Variants in PDE4D observed in about 807,000 individuals in gnomAD.
PDE4D encodes the protein 3',5'-cyclic-AMP phosphodiesterase 4D.
A neutral mutation model predicts 87.4 loss-of-function variants in PDE4D; 24 were observed. The observed-to-expected ratio is 0.27, with a 90% CI of 0.20 to 0.39. The LOEUF (loss-of-function observed/expected upper bound fraction) is 0.39. Among genes scored for constraint, PDE4D ranks in the 10% least tolerant of loss-of-function variants. PDE4D has a pLI of 1.00. For missense variants in PDE4D, 714 were observed against 1,041.0 expected (o/e 0.69, Z 4.32); for synonymous variants, 384 against 383.2 (o/e 1.00, Z -0.02).
intron 1 of PDE4D, among the ~76,000 whole-genome samples, chr5:60,240,357 T>C (rs1746951883): frequency 6.6e-6 from 1 of 151,736 alleles, no homozygotes; most frequent in African/African-American, 2.4e-5. Context: ...TCAGCTATGG[T>C]GGGTTAGGGC....
At chr5:59,386,917 G>A (rs145076963) in intron 1 of PDE4D, among the ~76,000 whole-genome samples, 219 of 152,190 alleles carry the variant, frequency 1.4e-3, no homozygotes, top group Non-Finnish European at 2.7e-3. Context: ...TGTTAACTCT[G>A]TTTCAGGTGA....
intron 1 of PDE4D, among the ~76,000 whole-genome samples, chr5:59,369,783 G>A (rs34852844): frequency 0.079 from 11,996 of 152,160 alleles, 578 homozygotes; most frequent in Middle Eastern, 0.13. Context: ...AACTGACTGA[G>A]TCTGCCATAG....
At chr5:60,474,666 C>T (rs1357629464) in intron 1 of PDE4D, among the ~76,000 whole-genome samples, 1 of 152,200 alleles carries the variant, frequency 6.6e-6, no homozygotes, top group Admixed American at 6.5e-5. Context: ...GCAGTTCTGG[C>T]AATGAGCTTC....
At chr5:59,038,806 G>A (rs1265100127) in intron 6 of PDE4D, 53 bp downstream of exon 6, 2 of 1,404,084 alleles carry the variant, frequency 1.4e-6, no homozygotes, top group East Asian at 2.9e-5. Context: ...GTGGCTCGCC[G>A]GCATGGGAAT....
intron 1 of PDE4D, among the ~76,000 whole-genome samples, chr5:60,220,884 A>G (rs2149596201): frequency 6.6e-6 from 1 of 152,162 alleles, no homozygotes; most frequent in South Asian, 2.1e-4. Flanking sequence ...AATAATTTAA[A>G]CCCTGTAGAA....
At chr5:59,386,319 A>G (rs1439692184) in intron 1 of PDE4D, among the ~76,000 whole-genome samples, 2 of 152,200 alleles carry the variant, frequency 1.3e-5, no homozygotes, top group African/African-American at 4.8e-5. Flanking sequence ...TAATAAAAAC[A>G]AGAAAAAGAC....
chr5:59,123,022 GTTTT>G (rs1041221866), intron 5 of PDE4D, among the ~76,000 whole-genome samples: 2 of 149,500 alleles, frequency 1.3e-5, no homozygotes, highest in African/African-American at 4.9e-5. Flanking sequence ...TGCATTCTCT[GTTTT>G]TTTTGTTTTT....
rs989532329 is a variant in PDE4D, at chr5:59,354,182, TA to T, written c.456-138215del. Among the ~76,000 whole-genome samples, 347 of 152,074 alleles carry T rather than the reference TA, an allele frequency of 2.3e-3. 1 individual carries two copies. Among genetic ancestry groups the T allele is most frequent in the African/African-American group, 8.1e-3 (338 of 41,496 alleles). On this transcript the variant is annotated intron_variant, in intron 1 of 14. Transcript: ENST00000340635. The stretch of plus-strand genomic sequence containing the variant: ...TTTACAAGATAAAAAATATTGCTCA[TA>T]AAAAAAATTATAAGGGAGAAATTCA...
At chr5:59,391,962 CAT>C (rs199964454) in intron 1 of PDE4D, among the ~76,000 whole-genome samples, 14 of 147,972 alleles carry the variant, frequency 9.5e-5, no homozygotes, top group African/African-American at 3.2e-4. Flanking sequence ...CTATATATTA[CAT>C]ATATATATAA....
chr5:59,388,651 A>ACACACACACACACACACT lies in PDE4D; in HGVS notation c.456-172684_456-172683insAGTGTGTGTGTGTGTGTG. ...TACACACACACACACACACACACTC[A>ACACACACACACACACACT]CACACTAGAATTCTACCCAGCCCTG... On this transcript the variant is annotated intron_variant, in intron 1 of 14. Transcript: ENST00000340635. Among the ~76,000 whole-genome samples the ACACACACACACACACACT allele has an allele frequency of 2.0e-5, 3 of 151,156 alleles. No homozygotes were observed. The South Asian group carries it at 6.3e-4, about 32-fold the overall frequency.
At chr5:59,794,485 C>T (rs1365559196) in intron 1 of PDE4D, among the ~76,000 whole-genome samples, 1 of 151,978 alleles carries the variant, frequency 6.6e-6, no homozygotes, top group Admixed American at 6.6e-5. Context: ...TCCCTCCTTC[C>T]CTCCCTCCCT....
intron 1 of PDE4D, among the ~76,000 whole-genome samples, chr5:59,687,248 A>G (rs1373200264): frequency 6.6e-6 from 1 of 152,188 alleles, no homozygotes; most frequent in Non-Finnish European, 1.5e-5. Context: ...ATACTCCTCG[A>G]GAAGAGCAAC....
chr5:59,885,576 A>G (rs1426486402), intron 1 of PDE4D, among the ~76,000 whole-genome samples: 1 of 152,200 alleles, frequency 6.6e-6, no homozygotes, highest in Admixed American at 6.5e-5. Context: ...GAATTGGATA[A>G]ACATTCTCTA....
intron 5 of PDE4D, among the ~76,000 whole-genome samples, chr5:59,054,181 C>T (rs559934622): frequency 3.2e-4 from 48 of 152,222 alleles, no homozygotes; most frequent in Non-Finnish European, 6.2e-4. Context: ...CTAACAAGAC[C>T]TTTGAAAAGA....
intron 1 of PDE4D, among the ~76,000 whole-genome samples, chr5:59,341,313 G>T (rs1778678920): frequency 6.6e-6 from 1 of 152,110 alleles, no homozygotes; most frequent in Non-Finnish European, 1.5e-5. Context: ...GGTGGTGCAT[G>T]GGTCCCTTCA....
intron 1 of PDE4D, among the ~76,000 whole-genome samples, chr5:60,248,972 T>C (rs1031521041): frequency 3.3e-5 from 5 of 152,034 alleles, no homozygotes; most frequent in Non-Finnish European, 7.4e-5. Flanking sequence ...AAATTGAGCA[T>C]GTGGCTCCAA....
chr5:59,276,832 A>C (rs1764921139), intron 1 of PDE4D, among the ~76,000 whole-genome samples: 1 of 152,098 alleles, frequency 6.6e-6, no homozygotes, highest in Non-Finnish European at 1.5e-5. Flanking sequence ...TTCGAAGGCC[A>C]AAACCTTTCC....
At chr5:60,187,528 T>G (rs1306011165) in intron 1 of PDE4D, among the ~76,000 whole-genome samples, 1 of 152,214 alleles carries the variant, frequency 6.6e-6, no homozygotes, top group Non-Finnish European at 1.5e-5. Context: ...GTTGCCCTAC[T>G]GGGCTAGTGA....
chr5:60,366,426 A>G (rs1261940616), intron 1 of PDE4D, among the ~76,000 whole-genome samples: 1 of 152,164 alleles, frequency 6.6e-6, no homozygotes, highest in African/African-American at 2.4e-5. Context: ...AGCATAAGGC[A>G]CTTGGGGTGA....
Sources: allele counts gnomAD v4.1 joint callset (sites outside exome capture counted in the v4.1 genomes callset), GRCh38; gene constraint gnomAD v4.1.1; transcripts MANE v1.5; gene names NCBI Gene and HGNC (gene_info 2026-07-23, HGNC 2026-07-21).